MAPK10: variants seen among roughly 807,000 people sequenced by gnomAD.
MAPK10 encodes mitogen-activated protein kinase 10, also known as JNK3 alpha protein kinase.
Under a neutral mutation model 59.3 loss-of-function variants are expected in MAPK10, and 25 were observed. That is an observed-to-expected ratio of 0.42 (90% CI 0.31 to 0.59). The LOEUF (loss-of-function observed/expected upper bound fraction) is 0.59. Ranked by LOEUF, MAPK10 falls within the 20% of genes least tolerant of loss-of-function variation. MAPK10 has a pLI of 0.15. For missense variants in MAPK10, 351 were observed against 568.9 expected, an observed-to-expected ratio of 0.62 and a Z score of 3.90; for synonymous variants, 190 against 200.5, an observed-to-expected ratio of 0.95 and a Z score of 0.44.
chr4:86,498,985 T>C (rs1755099223), intron 1 of MAPK10, among the ~76,000 whole-genome samples: 1 of 152,200 alleles, frequency 6.6e-6, no homozygotes, highest in Non-Finnish European at 1.5e-5. Flanking sequence ...CACCTGACCA[T>C]AGGTTTAGTT....
intron 1 of MAPK10, among the ~76,000 whole-genome samples, chr4:86,467,248 C>T (rs1162298044): frequency 3.3e-5 from 5 of 152,114 alleles, no homozygotes; most frequent in African/African-American, 7.2e-5. Context: ...TGCCAAGTGT[C>T]GCATAATCAA....
intron 11 of MAPK10, among the ~76,000 whole-genome samples, chr4:86,037,514 C>T (rs1273722593): frequency 3.3e-5 from 5 of 149,482 alleles, no homozygotes; most frequent in South Asian, 2.1e-4. Flanking sequence ...AGCGAGACTC[C>T]GTCTAAAAAA....
chr4:86,575,973 C>T (rs1761853522), intron 1 of MAPK10, among the ~76,000 whole-genome samples: 1 of 147,510 alleles, frequency 6.8e-6, no homozygotes, highest in Non-Finnish European at 1.5e-5. Context: ...TGCTAGGTAA[C>T]ATAACATAAT....
chr4:86,060,558 C>A (rs142124818), intron 11 of MAPK10, among the ~76,000 whole-genome samples: 3 of 152,240 alleles, frequency 2.0e-5, no homozygotes, highest in Middle Eastern at 6.8e-3. Context: ...TGGATCCTAG[C>A]AGGGTGCCTA....
At chr4:86,549,110 A>ATAAG (rs140391443) in intron 1 of MAPK10, among the ~76,000 whole-genome samples, 7,116 of 152,232 alleles carry the variant, frequency 0.047, 215 homozygotes, top group African/African-American at 0.059. Context: ...ATAAAAGCTT[A>ATAAG]TATATTATTA....
intron 4 of MAPK10, among the ~76,000 whole-genome samples, chr4:86,128,739 A>T (rs555822522): frequency 2.6e-5 from 4 of 152,198 alleles, no homozygotes; most frequent in Admixed American, 6.5e-5. Flanking sequence ...TAAGAAGTAA[A>T]TTTTTTATTA....
chr4:86,094,310 G>A (rs1050745436), intron 9 of MAPK10, among the ~76,000 whole-genome samples: 6 of 151,852 alleles, frequency 4.0e-5, no homozygotes, highest in African/African-American at 1.2e-4. Flanking sequence ...CCTTGGCAAG[G>A]TTATATGTAT....
chr4:86,188,056 A>AT (rs1421131694), intron 3 of MAPK10, among the ~76,000 whole-genome samples: 1 of 152,166 alleles, frequency 6.6e-6, no homozygotes, highest in African/African-American at 2.4e-5. Context: ...AGCTTCATCC[A>AT]TGTCCCTGCA....
intron 12 of MAPK10, among the ~76,000 whole-genome samples, chr4:86,029,654 A>C (rs1379702499): frequency 6.6e-6 from 1 of 152,128 alleles, no homozygotes; most frequent in African/African-American, 2.4e-5. Context: ...TGTTTTCTGA[A>C]TTCTTTGGGG....
intron 1 of MAPK10, chr4:86,542,530 C>T (rs1380473532): frequency 6.5e-6 from 1 of 154,236 alleles, no homozygotes; most frequent in African/African-American, 2.4e-5. Flanking sequence ...TACAGCCTTG[C>T]ACTCTTGGCC....
At chr4:86,200,760 T>C (rs993436529) in intron 2 of MAPK10, among the ~76,000 whole-genome samples, 1 of 151,948 alleles carries the variant, frequency 6.6e-6, no homozygotes, top group African/African-American at 2.4e-5. Flanking sequence ...ATGGGGTACA[T>C]GTGAAATTTT....
intron 2 of MAPK10, among the ~76,000 whole-genome samples, chr4:86,345,661 T>C (rs529022711): frequency 6.6e-6 from 1 of 152,338 alleles, no homozygotes; most frequent in African/African-American, 2.4e-5. Context: ...AGAAACTATA[T>C]GAATAAATCT....
At chr4:86,349,033 A>G (rs1057128558) in intron 2 of MAPK10, among the ~76,000 whole-genome samples, 2 of 152,242 alleles carry the variant, frequency 1.3e-5, no homozygotes, top group African/African-American at 4.8e-5. Flanking sequence ...TATTCCCAAC[A>G]GGTTCTGAAT....
At chr4:86,020,230 C>CA (rs1362253719) in intron 13 of MAPK10, 1 of 152,202 alleles carries the variant, frequency 6.6e-6, no homozygotes. Context: ...GTTTTTAAGG[C>CA]TTATCCATGC....
rs114353904 is a variant in MAPK10 at position 86,458,553 on chromosome 4, C to T, written c.-262-103909G>A. ...CCATAGTCATCAAAACAGCATGGTG[C>T]TGGTATAAATATAGGCATATAGACC... On this transcript the variant is annotated intron_variant, in intron 1 of 4. Transcript: ENST00000502302. Among the ~76,000 whole-genome samples, 517 of 152,196 alleles carry T rather than the reference C, an allele frequency of 3.4e-3. 7 individuals carry two copies. The highest frequency in any genetic ancestry group is 0.012 in the African/African-American group (502 of 41,518).
chr4:86,312,790 G>A (rs967947602), intron 2 of MAPK10, among the ~76,000 whole-genome samples: 1 of 152,076 alleles, frequency 6.6e-6, no homozygotes, highest in Non-Finnish European at 1.5e-5. Context: ...AAATTGATTT[G>A]TCAGTCTTAC....
intron 3 of MAPK10, among the ~76,000 whole-genome samples, chr4:86,184,840 T>C (rs913638662): frequency 2.0e-5 from 3 of 152,158 alleles, no homozygotes; most frequent in Non-Finnish European, 4.4e-5. Context: ...AAACCTCTTT[T>C]CTCTATAAAT....
intron 1 of MAPK10, among the ~76,000 whole-genome samples, chr4:86,382,765 T>C (rs776265380): frequency 6.6e-6 from 1 of 152,176 alleles, no homozygotes; most frequent in East Asian, 1.9e-4. Context: ...CTGCTGCTCA[T>C]GAATGTTAGA....
In MAPK10 at chr4:86,381,525, T is replaced by A. The variant is rs73838709; in HGVS notation, c.-121-26881A>T. On this transcript the variant is annotated intron_variant, in intron 1 of 13. Transcript: ENST00000361569. ...ACACTCATGTTAGCTGTCTCTCAACTGGCTTCAGCCAATGGAAGGCACTGC... is the reference window on the plus strand; with the variant it reads ...ACACTCATGTTAGCTGTCTCTCAACAGGCTTCAGCCAATGGAAGGCACTGC... Among the ~76,000 whole-genome samples, 610 of 152,232 alleles carry A rather than the reference T, an allele frequency of 4.0e-3. 9 individuals are homozygous for A. Among genetic ancestry groups the A allele is most frequent in the African/African-American group, 0.014 (586 of 41,536 alleles).
Sources: gnomAD v4.1 joint callset for allele counts (sites outside exome capture counted in the v4.1 genomes callset) on GRCh38, gnomAD v4.1.1 for gene constraint, MANE v1.5 for transcripts, NCBI Gene and HGNC (gene_info 2026-07-23, HGNC 2026-07-21) for gene names.